Variants in ZZEF1 observed in about 807,000 individuals in gnomAD.
ZZEF1 encodes the protein zinc finger ZZ-type and EF-hand domain-containing protein 1.
In ZZEF1, 157 loss-of-function variants were observed where a neutral mutation model predicts 342.8. That is an observed-to-expected ratio of 0.46 (90% CI 0.40 to 0.52). ZZEF1 has a LOEUF of 0.52. ZZEF1 is among the 20% of genes least tolerant of loss of function. The pLI, the probability that ZZEF1 is intolerant of heterozygous loss-of-function variation, is 0.00. For missense variants in ZZEF1, 3,480 were observed against 3,725.6 expected (o/e 0.93, Z 1.72); for synonymous variants, 1,505 against 1,429.1 (o/e 1.05, Z -1.20).
chr17:4,025,816 G>C (rs746884763), intron 42 of ZZEF1, among the ~76,000 whole-genome samples: 2 of 152,206 alleles, frequency 1.3e-5, no homozygotes, highest in Non-Finnish European at 2.9e-5. Context: ...TGCAGATATT[G>C]GGCAAAAGGT....
intron 30 of ZZEF1, among the ~76,000 whole-genome samples, chr17:4,062,474 C>A (rs1250398461): frequency 6.6e-6 from 1 of 151,910 alleles, no homozygotes; most frequent in African/African-American, 2.4e-5. Context: ...TAGCTCACAG[C>A]TTCCAGGAGC....
At chr17:4,052,188 G>T in intron 34 of ZZEF1, 52 bp from the exon 35 acceptor site, 1 of 1,515,988 alleles carries the variant, frequency 6.6e-7, no homozygotes, top group Non-Finnish European at 8.8e-7. Context: ...CTCCTAGATG[G>T]GCTAGTTTCC....
chr17:4,076,501 C>T, intron 21 of ZZEF1, 136 bp downstream of exon 21: 1 of 1,154,222 alleles, frequency 8.7e-7, no homozygotes, highest in Non-Finnish European at 1.2e-6. Context: ...TGTTGGCAAG[C>T]CCACTGATAA....
intron 37 of ZZEF1, among the ~76,000 whole-genome samples, chr17:4,046,843 A>T (rs969264098): frequency 2.0e-5 from 3 of 152,208 alleles, no homozygotes; most frequent in Non-Finnish European, 4.4e-5. Flanking sequence ...TTAGTTTCTC[A>T]GTTGTTGAAA....
At chr17:4,129,768 T>C (rs909350902) in intron 1 of ZZEF1, among the ~76,000 whole-genome samples, 1 of 150,460 alleles carries the variant, frequency 6.6e-6, no homozygotes, top group African/African-American at 2.4e-5. Flanking sequence ...ACCCAGGAGG[T>C]GGAGAAAAAG....
chr17:4,129,838 A>G (rs2058635808), intron 1 of ZZEF1, among the ~76,000 whole-genome samples: 1 of 152,196 alleles, frequency 6.6e-6, no homozygotes, highest in African/African-American at 2.4e-5. Context: ...CAGCCATAAA[A>G]AGAACAAGAT....
At position 4,009,754 on chromosome 17, in the gene ZZEF1, G is replaced by A. The variant is rs551848864; in HGVS notation, c.8583C>T (p.Asp2861=). The A allele has an allele frequency of 1.2e-6, 2 of 1,613,956 alleles. No individual in the cohort carries two copies. Among genetic ancestry groups the A allele is most frequent in the African/African-American group, 1.3e-5 (1 of 75,040 alleles). Residue 2861 remains aspartate (D), a synonymous_variant, in exon 53 of 55, where the codon GAC becomes GAT. Transcript: ENST00000381638. ...LRIVRCCGHS[D]LCDLALLKPL... ...GCTTCAACAGCGCAAGGTCACACAG[G>A]TCACTGCAGGAGGAGCCCCGGAGGT...
At chr17:4,042,354 T>C (rs766635068) in intron 39 of ZZEF1, 75 bp downstream of exon 39, 31 of 1,462,408 alleles carry the variant, frequency 2.1e-5, no homozygotes, top group Non-Finnish European at 3.7e-6. Flanking sequence ...TCATCATTTG[T>C]TTCAGTATGT....
chr17:4,134,072 C>T (rs1322686103), intron 1 of ZZEF1, among the ~76,000 whole-genome samples: 2 of 151,778 alleles, frequency 1.3e-5, no homozygotes, highest in African/African-American at 2.4e-5. Context: ...AAGGGATTTT[C>T]GAATAAAACA....
Position 4,067,297 on chromosome 17 carries a change from C to T in ZZEF1, c.4076-55G>A, listed in dbSNP as rs191597446. 4,075 of 1,395,106 alleles carry T rather than the reference C, an allele frequency of 2.9e-3. 11 individuals carry two copies. The highest frequency in any genetic ancestry group is 3.7e-3 in the Non-Finnish European group (3,714 of 1,003,762). The allele number at this position is 1,395,106 out of a possible 1,614,324, so 86.4% of individuals were successfully genotyped here. A position where few individuals can be genotyped will look rare whatever the true frequency, so the allele number is the denominator to read the frequency against. ...ATTCAGGTAACACAATTCACTACTG[C>T]AACATTAAGCACAAAAAATCTAAAT... On this transcript the variant is annotated intron_variant, in intron 26 of 54. Transcript: ENST00000381638.
At chr17:4,065,105 A>G (rs2057367158) in intron 28 of ZZEF1, among the ~76,000 whole-genome samples, 1 of 152,188 alleles carries the variant, frequency 6.6e-6, no homozygotes, top group African/African-American at 2.4e-5. Context: ...AGACAGCTTC[A>G]TGAATAAAGT....
chr17:4,056,310 T>C lies in ZZEF1; in HGVS notation c.5201A>G (p.Lys1734Arg). 1 of 1,600,774 alleles carries C rather than the reference T, an allele frequency of 6.2e-7. No individual in the cohort carries two copies. The highest frequency in any genetic ancestry group is 8.5e-7 in the Non-Finnish European group (1 of 1,173,576). Residue 1734 changes from lysine (K) to arginine (R), a missense_variant, in exon 33 of 55, where the codon AAG becomes AGG. Physicochemically the swap from Lys to Arg is conservative, Grantham distance 26 (BLOSUM62 2). Transcript: ENST00000381638. ...CTCATCCATCCATTCTGAATTCTGC[T>C]TGGCATCAGCAAGCTCATCTTCTTC... ...WSEEDELADA[K>R]QNSEWMDECQ...
chr17:4,039,292 AC>A (rs34719424), intron 39 of ZZEF1, among the ~76,000 whole-genome samples: 10,407 of 152,002 alleles, frequency 0.068, 1,182 homozygotes, highest in African/African-American at 0.24. Flanking sequence ...ACACAGTGAA[AC>A]CCCATCTCTA....
rs368349094 is a variant in ZZEF1, at chr17:4,075,325, A to G, written c.3339T>C (p.Phe1113=). 12 of 1,614,150 alleles carry G rather than the reference A, an allele frequency of 7.4e-6. No individual in the cohort carries two copies. In the African/African-American group the frequency reaches 1.5e-4, roughly 20 times the overall value. ...YENNCHEVSV[F]VSPGATYFEV... ...CAAAATAGGTTGCCCCTGGGCTAAC[A>G]AAGACGGATACCTCATGGCAATTAT... is the stretch of plus-strand genomic sequence containing the variant. Residue 1113 remains phenylalanine (F), a synonymous_variant, in exon 22 of 55, where the codon TTT becomes TTC. Coordinates refer to ENST00000381638, the MANE Select transcript of ZZEF1 (RefSeq NM_015113.4).
chr17:4,093,001 T>C (rs1230096108), intron 11 of ZZEF1, among the ~76,000 whole-genome samples: 1 of 150,270 alleles, frequency 6.7e-6, no homozygotes, highest in Non-Finnish European at 1.5e-5. Context: ...TGCACATTAA[T>C]ATTTTGATTT....
intron 11 of ZZEF1, among the ~76,000 whole-genome samples, chr17:4,092,082 A>ATAAT (rs2057954018): frequency 2.8e-5 from 1 of 36,186 alleles, no homozygotes; most frequent in African/African-American, 6.1e-5. Context: ...ACCTCAAAAA[A>ATAAT]AAAAAAAATA....
intron 52 of ZZEF1, among the ~76,000 whole-genome samples, chr17:4,012,070 G>A (rs1437833380): frequency 6.6e-6 from 1 of 152,238 alleles, no homozygotes; most frequent in Non-Finnish European, 1.5e-5. Context: ...AAAGAAGGTT[G>A]CCAATGGCCA....
At chr17:4,033,643 C>T (rs544939475) in intron 40 of ZZEF1, 17 of 243,004 alleles carry the variant, frequency 7.0e-5, no homozygotes, top group Admixed American at 2.0e-4. Flanking sequence ...GCCACCGTGC[C>T]CAGCTTATTC....
At position 4,074,139 on chromosome 17, in the gene ZZEF1, T is replaced by A. The variant is rs901634822; in HGVS notation, c.3685+11A>T. 1 of 1,613,458 alleles carries A rather than the reference T, an allele frequency of 6.2e-7. No homozygotes were observed. Among genetic ancestry groups the A allele is most frequent in the Non-Finnish European group, 8.5e-7 (1 of 1,179,830 alleles). The stretch of plus-strand genomic sequence containing the variant: ...GTTGTAAGAAGGGAAAGCACAGGGA[T>A]GTGCACTTACGGCGCACAGACTTGA... On this transcript the variant is annotated intron_variant, in intron 24 of 54. Transcript: ENST00000381638.
Sources: gnomAD v4.1 joint callset for allele counts (sites outside exome capture counted in the v4.1 genomes callset) on GRCh38, gnomAD v4.1.1 for gene constraint, MANE v1.5 for transcripts, NCBI Gene and HGNC (gene_info 2026-07-23, HGNC 2026-07-21) for gene names.